The following KCNH5 variants were observed in gnomAD, a reference collection of about 807,000 sequenced individuals.
The protein encoded by KCNH5 is potassium voltage-gated channel subfamily H member 5.
KCNH5 carries 46 observed loss-of-function variants against 96.1 expected under a neutral mutation model. The ratio of observed to expected loss-of-function variants is 0.48; its 90% confidence interval spans 0.38 to 0.61. The LOEUF (loss-of-function observed/expected upper bound fraction) is 0.61. Among genes scored for constraint, KCNH5 ranks in the 20% least tolerant of loss-of-function variants. The pLI is 0.00. For synonymous variants in KCNH5, 439 were observed against 449.8 expected (o/e 0.98, Z 0.30); for missense variants, 907 against 1,225.8 (o/e 0.74, Z 3.88).
Position 62,708,426 on chromosome 14 carries a change from C to T in KCNH5, c.2049G>A (p.Lys683=). ...GCCGGAGGCGCTCCTCCTCCTCTTTCTTCACATCACTGATCTTACGAAAGA... is the reference window on the plus strand; with the variant it reads ...GCCGGAGGCGCTCCTCCTCCTCTTTTTTCACATCACTGATCTTACGAAAGA... ...RIIFRKISDV[K]KEEEERLRQK... Residue 683 remains lysine (K), a synonymous_variant, in exon 11 of 11, where the codon AAG becomes AAA. Coordinates refer to ENST00000322893, the MANE Select transcript of KCNH5 (RefSeq NM_139318.5). 6.2e-7 allele frequency: 1 copy of T among 1,605,038 alleles called. No individual in the cohort carries two copies. Among genetic ancestry groups the T allele is most frequent in the Non-Finnish European group, 8.5e-7 (1 of 1,178,140 alleles).
At chr14:62,764,286 A>C (rs752160606) in intron 10 of KCNH5, among the ~76,000 whole-genome samples, 1 of 152,242 alleles carries the variant, frequency 6.6e-6, no homozygotes, top group Non-Finnish European at 1.5e-5. Context: ...TGACCATCTC[A>C]ATAGATACAG....
At chr14:62,801,605 T>G (rs534666762) in intron 9 of KCNH5, among the ~76,000 whole-genome samples, 1 of 151,896 alleles carries the variant, frequency 6.6e-6, no homozygotes, top group South Asian at 2.1e-4. Context: ...GCCCTTTTAT[T>G]GTTGTGGTTG....
intron 7 of KCNH5, among the ~76,000 whole-genome samples, chr14:62,899,360 G>T (rs1433547173): frequency 6.6e-6 from 1 of 151,944 alleles, no homozygotes; most frequent in Non-Finnish European, 1.5e-5. Context: ...ATCAAAATAG[G>T]AAAACAAATC....
At chr14:62,773,897 G>GA (rs374097082) in intron 10 of KCNH5, among the ~76,000 whole-genome samples, 1 of 151,688 alleles carries the variant, frequency 6.6e-6, no homozygotes, top group Admixed American at 6.6e-5. Flanking sequence ...ATCTTTTATG[G>GA]AAAAAAAGGT....
intron 8 of KCNH5, among the ~76,000 whole-genome samples, chr14:62,839,675 C>T (rs1455188680): frequency 2.6e-5 from 4 of 152,158 alleles, no homozygotes; most frequent in Non-Finnish European, 1.5e-5. Flanking sequence ...CTATTATTTA[C>T]ATGGAACACA....
At chr14:62,962,526 T>C (rs912815631) in intron 6 of KCNH5, among the ~76,000 whole-genome samples, 1 of 152,000 alleles carries the variant, frequency 6.6e-6, no homozygotes, top group African/African-American at 2.4e-5. Context: ...GCAAGACAAG[T>C]TAGTGAAGAA....
chr14:63,004,593 C>A (rs1340544366), intron 3 of KCNH5, among the ~76,000 whole-genome samples: 1 of 152,128 alleles, frequency 6.6e-6, no homozygotes. Context: ...AACAGAAATT[C>A]CACTAAGATA....
chr14:62,802,643 A>T, intron 8 of KCNH5, 62 bp from the exon 9 acceptor site: 1 of 1,565,546 alleles, frequency 6.4e-7, no homozygotes. Context: ...TCAGAAAAAC[A>T]ATCATCCAAC....
At position 62,779,739 on chromosome 14, in the gene KCNH5, G is replaced by A; in HGVS notation, c.2008C>T (p.Leu670=). The change falls in exon 10 of 11, where the codon CTG becomes TTG. Residue 670 remains leucine, a synonymous_variant. Transcript: ENST00000322893. ...CCCAGAGAACATACCCGTTTCCTCA[G>A]ATTGCAAGTAAGAGTGAGATTCCTT... is the stretch of plus-strand genomic sequence containing the variant. The part of the protein sequence containing the change: ...FSRNLTLTCN[L]RKRIIFRKIS... 5 of 1,613,158 alleles carry A rather than the reference G, an allele frequency of 3.1e-6. No homozygotes were observed. Among genetic ancestry groups the A allele is most frequent in the Non-Finnish European group, 3.4e-6 (4 of 1,179,440 alleles).
intron 8 of KCNH5, among the ~76,000 whole-genome samples, chr14:62,811,798 G>A (rs982619737): frequency 1.3e-5 from 2 of 152,060 alleles, no homozygotes; most frequent in African/African-American, 4.8e-5. Context: ...CGCTGGAAAG[G>A]CAGACTCCCA....
intron 10 of KCNH5, chr14:62,712,550 CA>C: frequency 1.5e-6 from 1 of 677,064 alleles, no homozygotes; most frequent in South Asian, 1.7e-5. Context: ...GGTCAGATTC[CA>C]AACAGTCTTA....
chr14:62,853,068 G>T (rs1390746602), intron 7 of KCNH5, among the ~76,000 whole-genome samples: 1 of 152,058 alleles, frequency 6.6e-6, no homozygotes. Context: ...TCTGCAAACA[G>T]CAAAGCCATA....
intron 6 of KCNH5, 108 bp from the exon 7 acceptor site, chr14:62,950,667 T>C (rs368559418): frequency 1.1e-6 from 1 of 905,378 alleles, no homozygotes. Flanking sequence ...CAATTATATA[T>C]TAAGAACATA....
At chr14:62,731,920 A>G (rs1393155662) in intron 10 of KCNH5, among the ~76,000 whole-genome samples, 1 of 152,170 alleles carries the variant, frequency 6.6e-6, no homozygotes, top group Admixed American at 6.5e-5. Flanking sequence ...GCTGTTGAGC[A>G]CACACCACTG....
intron 9 of KCNH5, among the ~76,000 whole-genome samples, chr14:62,781,146 G>A (rs553446253): frequency 2.6e-5 from 4 of 152,276 alleles, no homozygotes; most frequent in African/African-American, 4.8e-5. Context: ...TGGGCGTCCA[G>A]GGGAGACATC....
chr14:62,881,450 A>G (rs1017782260), intron 7 of KCNH5, among the ~76,000 whole-genome samples: 23 of 152,186 alleles, frequency 1.5e-4, no homozygotes, highest in African/African-American at 5.5e-4. Context: ...TGATGAGAAC[A>G]GAACAACACA....
intron 7 of KCNH5, among the ~76,000 whole-genome samples, chr14:62,915,512 G>A (rs1357635744): frequency 6.6e-6 from 1 of 152,184 alleles, no homozygotes; most frequent in Non-Finnish European, 1.5e-5. Flanking sequence ...AGTGAATGCA[G>A]TAAAAGTAAA....
intron 7 of KCNH5, among the ~76,000 whole-genome samples, chr14:62,885,759 A>C (rs559407413): frequency 9.2e-5 from 14 of 152,304 alleles, no homozygotes; most frequent in Admixed American, 2.0e-4. Flanking sequence ...TGATGAAAGG[A>C]TGGTGATTTC....
chr14:62,940,677 T>C (rs936398012), intron 7 of KCNH5, among the ~76,000 whole-genome samples: 18 of 152,210 alleles, frequency 1.2e-4, no homozygotes, highest in Non-Finnish European at 2.9e-5. Flanking sequence ...TATACTATGT[T>C]CTCTATACCT....
Sources: gnomAD v4.1 joint callset for allele counts (sites outside exome capture counted in the v4.1 genomes callset) on GRCh38, gnomAD v4.1.1 for gene constraint, MANE v1.5 for transcripts, NCBI Gene and HGNC (gene_info 2026-07-23, HGNC 2026-07-21) for gene names.